The following CD5 variants were observed in gnomAD, a reference collection of about 807,000 sequenced individuals.
CD5 encodes T-cell surface glycoprotein CD5.
CD5 carries 36 observed loss-of-function variants against 60.3 expected under a neutral mutation model. The observed-to-expected ratio is 0.60, with a 90% CI of 0.46 to 0.79. The LOEUF (loss-of-function observed/expected upper bound fraction) is 0.79. Ranked by LOEUF, CD5 falls within the 30% of genes least tolerant of loss-of-function variation. The probability of loss-of-function intolerance (pLI) is 0.00; values close to 1 mark genes in which losing one functional copy is unlikely to be tolerated. For missense variants in CD5, 540 were observed against 630.6 expected, an observed-to-expected ratio of 0.86 and a Z score of 1.54; for synonymous variants, 230 against 257.6, an observed-to-expected ratio of 0.89 and a Z score of 1.03.
At chr11:61,113,356 G>C (rs1017102728) in intron 1 of CD5, among the ~76,000 whole-genome samples, 1 of 152,202 alleles carries the variant, frequency 6.6e-6, no homozygotes, top group Non-Finnish European at 1.5e-5. Context: ...GCTCTGCTGA[G>C]AGCCCCGCAA....
chr11:61,116,125 G>C lies in CD5; in HGVS notation c.94+1031G>C, dbSNP rs545741964. 7.9e-5 allele frequency among the ~76,000 whole-genome samples: 12 copies of C among 152,124 alleles called. No homozygotes were observed. The South Asian group carries it at 2.5e-3, about 32-fold the overall frequency. On this transcript the variant is annotated intron_variant, in intron 2 of 10. Transcript: ENST00000347785. The stretch of plus-strand genomic sequence containing the variant: ...AAGGGTAGCCTGACCCGTGGTTCCC[G>C]ACCAGGGAAAACCTCCCCCTCAGAA...
chr11:61,119,646 G>C, intron 5 of CD5, 71 bp downstream of exon 5: 1 of 1,114,102 alleles, frequency 9.0e-7, no homozygotes, highest in Admixed American at 2.0e-5. Flanking sequence ...CATCCCAGAA[G>C]GTCAGGGAAC....
In CD5 at chr11:61,122,864, C is replaced by T. The variant is rs192428474; in HGVS notation, c.1100-43C>T. Reference sequence around the variant, plus strand: ...GCAGCTTCCCTCCCACAGTTTTTCTCCCCCCAGGACTGGGACTGACCTAAC... The same window carrying T: ...GCAGCTTCCCTCCCACAGTTTTTCTTCCCCCAGGACTGGGACTGACCTAAC... On this transcript the variant is annotated intron_variant, in intron 6 of 10. Transcript: ENST00000347785. The T allele has an allele frequency of 2.5e-3, 3,836 of 1,542,720 alleles. 10 individuals carry two copies. The highest frequency in any genetic ancestry group is 3.1e-3 in the Middle Eastern group (14 of 4,524).
At chr11:61,123,096 G>GTCC in intron 7 of CD5, 64 bp downstream of exon 7, 1 of 1,498,916 alleles carries the variant, frequency 6.7e-7, no homozygotes, top group Non-Finnish European at 9.0e-7. Flanking sequence ...CTGCACTAGA[G>GTCC]TCCTCCGGAG....
At chr11:61,119,073 G>A in intron 4 of CD5, 96 bp downstream of exon 4, 1 of 1,240,640 alleles carries the variant, frequency 8.1e-7, no homozygotes, top group Non-Finnish European at 1.1e-6. Flanking sequence ...AGGTGGAAAT[G>A]TTTAGTATTG....
chr11:61,119,451 A>C lies in CD5; in HGVS notation c.681A>C (p.Pro227=), dbSNP rs1381099863. 2 of 1,614,210 alleles carry C rather than the reference A, an allele frequency of 1.2e-6. No individual in the cohort carries two copies. Among genetic ancestry groups the C allele is most frequent in the Admixed American group, 1.7e-5 (1 of 60,026 alleles). ...EAGRAQDPGE[P]REHQPLPIQW... The stretch of plus-strand genomic sequence containing the variant: ...GCAGAGCCCAAGACCCAGGGGAGCC[A>C]CGGGAACACCAGCCCTTGCCAATCC... The change falls in exon 5 of 11, where the codon CCA becomes CCC. Residue 227 remains proline (P), a synonymous_variant. Transcript: ENST00000347785.
upstream of CD5, among the ~76,000 whole-genome samples, chr11:61,099,193 A>ATCAACATGGAGATCACACACC (rs1860622559): frequency 6.6e-6 from 1 of 152,222 alleles, no homozygotes; most frequent in Non-Finnish European, 1.5e-5. Context: ...CATACCCCAC[A>ATCAACATGGAGATCACACACC]TCAACATGGA....
At chr11:61,100,032 A>T, upstream of CD5, among the ~76,000 whole-genome samples, 1 of 148,834 alleles carries the variant, frequency 6.7e-6, no homozygotes, top group African/African-American at 2.5e-5. Context: ...GATCACACAC[A>T]CACGACATGG....
upstream of CD5, among the ~76,000 whole-genome samples, chr11:61,100,156 A>AT (rs1337649985): frequency 3.1e-5 from 4 of 129,638 alleles, no homozygotes; most frequent in African/African-American, 6.0e-5. Context: ...TCACACACAC[A>AT]CAACATGGAG....
rs1861004403 is a variant in CD5 at position 61,118,846 on chromosome 11, A to G, written c.401-69A>G. On this transcript the variant is annotated intron_variant, in intron 3 of 10. Coordinates refer to ENST00000347785, the MANE Select transcript of CD5 (RefSeq NM_014207.4). This position sits in a 1 kb window ranked among gnomAD's most constrained non-coding sequence, Gnocchi z 4.7. ...CATGCCAGGAGCTCCTGGTCCTCTC[A>G]AGGCTGCTGGCTGCCCCCGGCCCTC... The G allele has an allele frequency of 1.8e-6, 2 of 1,138,042 alleles. No homozygotes were observed. Among genetic ancestry groups the G allele is most frequent in the Admixed American group, 1.9e-5 (1 of 53,872 alleles). 70.5% of individuals were successfully genotyped at this position (1,138,042 alleles called of 1,614,324 possible).
intron 9 of CD5, 32 bp from the exon 10 acceptor site, chr11:61,125,719 C>A: frequency 6.5e-7 from 1 of 1,544,540 alleles, no homozygotes; most frequent in Non-Finnish European, 8.9e-7. Flanking sequence ...GAGTCAAAAA[C>A]CCTCTGCAAA....
At chr11:61,122,025 A>T in intron 6 of CD5, 121 bp downstream of exon 6, 2 of 837,194 alleles carry the variant, frequency 2.4e-6, no homozygotes, top group Non-Finnish European at 3.4e-6. Context: ...CCAGAGACCC[A>T]GAAAGGATGG....
At position 61,115,056 on chromosome 11, in the gene CD5, T is replaced by C; in HGVS notation, c.56T>C (p.Val19Ala). 6.4e-7 allele frequency: 1 copy of C among 1,556,914 alleles called. No individual in the cohort carries two copies. Among genetic ancestry groups the C allele is most frequent in the Non-Finnish European group, 8.7e-7 (1 of 1,149,484 alleles). Residue 19 changes from valine to alanine, a missense_variant and splice_region_variant, in exon 2 of 11, where the codon GTC becomes GCC. Transcript: ENST00000347785. ...TGACCCTCCTCTCTTCTTTCTGCAGTCGCTTCCTGCCTCGGACGGCTCAGC... is the reference window on the plus strand; with the variant it reads ...TGACCCTCCTCTCTTCTTTCTGCAGCCGCTTCCTGCCTCGGACGGCTCAGC... ...LATLYLLGML[V>A]ASCLGRLSWY...
Position 61,125,860 on chromosome 11 carries a change from T to G in CD5, c.*2+19T>G. The G allele has an allele frequency of 6.4e-7, 1 of 1,570,452 alleles. No homozygotes were observed. Among genetic ancestry groups the G allele is most frequent in the East Asian group, 2.3e-5 (1 of 43,470 alleles). ...TGTAAAGGTGAGCCCGTCTCCAGCC[T>G]GACCCCAGCACCCCAGGGTCCCCCA... On this transcript the variant is annotated intron_variant, in intron 10 of 10. Transcript: ENST00000347785.
In CD5 at chr11:61,102,591, A is replaced by G; in HGVS notation, c.31A>G (p.Thr11Ala). 6.3e-7 allele frequency: 1 copy of G among 1,593,166 alleles called. No individual in the cohort carries two copies. The highest frequency in any genetic ancestry group is 8.6e-7 in the Non-Finnish European group (1 of 1,169,332). ...CATGGGGTCTCTGCAACCGCTGGCC[A>G]CCTTGTACCTGCTGGGGATGCTGGG... MPMGSLQPLATLYLLGMLVAS... is the reference protein window; with the variant it reads MPMGSLQPLAALYLLGMLVAS... Residue 11 changes from threonine to alanine, a missense_variant, in exon 1 of 11, where the codon ACC (threonine) becomes GCC (alanine). Physicochemically the swap from Thr to Ala is moderately conservative, Grantham distance 58. Coordinates refer to ENST00000347785, the MANE Select transcript of CD5 (RefSeq NM_014207.4).
At chr11:61,111,611 C>G (rs575310620) in intron 1 of CD5, among the ~76,000 whole-genome samples, 21 of 152,324 alleles carry the variant, frequency 1.4e-4, no homozygotes, top group African/African-American at 5.1e-4. Flanking sequence ...TCATTTAATA[C>G]CCCGACAAAC....
chr11:61,097,106 T>C, the CD5 span, among the ~76,000 whole-genome samples: 3 of 152,170 alleles, frequency 2.0e-5, no homozygotes, highest in Non-Finnish European at 2.9e-5. Flanking sequence ...ATGAACTCAA[T>C]GTGCCAGTAC....
At chr11:61,122,528 CAGAT>C (rs1027834824) in intron 6 of CD5, among the ~76,000 whole-genome samples, 2 of 151,450 alleles carry the variant, frequency 1.3e-5, no homozygotes, top group East Asian at 1.9e-4. Context: ...GGCGGATGGA[CAGAT>C]GGATGGATGG....
chr11:61,119,045 C>A, intron 4 of CD5, 68 bp downstream of exon 4: 1 of 1,383,740 alleles, frequency 7.2e-7, no homozygotes. Flanking sequence ...TGCCCAGTTA[C>A]ATTGGAATTT....
Sources: allele counts gnomAD v4.1 joint callset (sites outside exome capture counted in the v4.1 genomes callset), GRCh38; gene constraint gnomAD v4.1.1; non-coding constraint Gnocchi (gnomAD v3.1); transcripts MANE v1.5; gene names NCBI Gene and HGNC (gene_info 2026-07-23, HGNC 2026-07-21).